The following ZNF804B variants were observed in gnomAD, a reference collection of about 807,000 sequenced individuals.
ZNF804B encodes zinc finger 804B.
In ZNF804B, 80 loss-of-function variants were observed where a neutral mutation model predicts 101.4. The ratio of observed to expected loss-of-function variants is 0.79; its 90% confidence interval spans 0.66 to 0.95. The LOEUF (loss-of-function observed/expected upper bound fraction) is 0.95, where lower values mean the gene tolerates loss of function less well. Among genes scored for constraint, ZNF804B ranks in the 40% least tolerant of loss-of-function variants. The pLI, the probability that ZNF804B is intolerant of heterozygous loss-of-function variation, is 0.00. For missense variants in ZNF804B, 1,673 were observed against 1,561.9 expected (o/e 1.07, Z -1.20); for synonymous variants, 622 against 558.8 (o/e 1.11, Z -1.59).
rs1299376493 is a variant in ZNF804B, at chr7:89,318,620, G to T, written c.250-8724G>T. ...TCTACTGAAAATACAAAAATTAACC[G>T]CGTGTGGTGGCGAGCACCTGTAATC... On this transcript the variant is annotated intron_variant, in intron 2 of 3. Coordinates refer to ENST00000333190, the MANE Select transcript of ZNF804B (RefSeq NM_181646.5). 2.0e-5 allele frequency among the ~76,000 whole-genome samples: 3 copies of T among 152,076 alleles called. No homozygotes were observed. The South Asian group carries it at 6.2e-4, about 32-fold the overall frequency.
chr7:88,896,814 G>T (rs891028745), intron 1 of ZNF804B, among the ~76,000 whole-genome samples: 2 of 152,190 alleles, frequency 1.3e-5, no homozygotes, highest in Non-Finnish European at 1.5e-5. Context: ...AAGATAGAAA[G>T]GTTGTCTTTC....
chr7:88,925,166 A>G (rs993897895), intron 1 of ZNF804B, among the ~76,000 whole-genome samples: 15 of 152,088 alleles, frequency 9.9e-5, no homozygotes, highest in Non-Finnish European at 1.6e-4. Context: ...CAATAATTAG[A>G]TCTTAGAGCT....
intron 1 of ZNF804B, among the ~76,000 whole-genome samples, chr7:88,838,151 A>G (rs1374542766): frequency 1.3e-5 from 2 of 151,874 alleles, no homozygotes; most frequent in Admixed American, 6.6e-5. Flanking sequence ...TAAAGCCAGT[A>G]TTATTCAAGT....
At chr7:88,974,656 A>G (rs1584048458) in intron 1 of ZNF804B, among the ~76,000 whole-genome samples, 1 of 151,312 alleles carries the variant, frequency 6.6e-6, no homozygotes, top group South Asian at 2.1e-4. Flanking sequence ...ATTATTTTTA[A>G]TTTTTATGGG....
intron 2 of ZNF804B, among the ~76,000 whole-genome samples, chr7:89,226,214 A>T (rs575748128): frequency 1.3e-5 from 2 of 152,238 alleles, no homozygotes; most frequent in East Asian, 1.9e-4. Context: ...TTTGATTATT[A>T]TGAAAAGGCT....
chr7:89,027,307 TTAAA>T (rs1472338182), intron 1 of ZNF804B, among the ~76,000 whole-genome samples: 1 of 152,094 alleles, frequency 6.6e-6, no homozygotes, highest in Non-Finnish European at 1.5e-5. Flanking sequence ...ATAAGAGTCC[TTAAA>T]GCTAGCTCTC....
chr7:89,304,495 T>C (rs1388773494), intron 2 of ZNF804B, among the ~76,000 whole-genome samples: 2 of 151,558 alleles, frequency 1.3e-5, no homozygotes, highest in African/African-American at 2.4e-5. Flanking sequence ...TATGGTAAAA[T>C]AGAAGTGCAG....
chr7:88,888,697 T>TA (rs1792170852), intron 1 of ZNF804B, among the ~76,000 whole-genome samples: 1 of 152,228 alleles, frequency 6.6e-6, no homozygotes, highest in South Asian at 2.1e-4. Flanking sequence ...TTGATCATGC[T>TA]ACTCTGTTTT....
chr7:89,317,436 A>G (rs887706409), intron 2 of ZNF804B, among the ~76,000 whole-genome samples: 13 of 152,198 alleles, frequency 8.5e-5, no homozygotes, highest in Non-Finnish European at 1.8e-4. Context: ...TGCACCCAAT[A>G]TGACTAAATG....
At chr7:88,855,880 G>GT (rs1791548608) in intron 1 of ZNF804B, among the ~76,000 whole-genome samples, 1 of 152,106 alleles carries the variant, frequency 6.6e-6, no homozygotes, top group African/African-American at 2.4e-5. Context: ...CCCATTGCTT[G>GT]TTTTTGTCAG....
chr7:88,842,329 G>T (rs956433652), intron 1 of ZNF804B, among the ~76,000 whole-genome samples: 1 of 152,124 alleles, frequency 6.6e-6, no homozygotes, highest in Non-Finnish European at 1.5e-5. Flanking sequence ...CATTTGTTGG[G>T]AAGTGAGATT....
At chr7:89,151,700 G>A (rs1294796040) in intron 1 of ZNF804B, among the ~76,000 whole-genome samples, 1 of 148,772 alleles carries the variant, frequency 6.7e-6, no homozygotes, top group Non-Finnish European at 1.5e-5. Context: ...CAGATCTCCT[G>A]AAAAAAAAAA....
At chr7:88,838,472 T>C (rs1056885627) in intron 1 of ZNF804B, among the ~76,000 whole-genome samples, 20 of 151,952 alleles carry the variant, frequency 1.3e-4, no homozygotes, top group Non-Finnish European at 2.4e-4. Context: ...GTTTGGAAAA[T>C]TATTTGAAGT....
At chr7:88,861,659 A>T (rs544184282) in intron 1 of ZNF804B, among the ~76,000 whole-genome samples, 17 of 152,294 alleles carry the variant, frequency 1.1e-4, no homozygotes, top group African/African-American at 3.6e-4. Context: ...CACTGTAATA[A>T]CATATCTTCT....
chr7:89,144,571 T>C (rs1247043953), intron 1 of ZNF804B, among the ~76,000 whole-genome samples: 1 of 151,650 alleles, frequency 6.6e-6, no homozygotes, highest in East Asian at 1.9e-4. Context: ...AAAAGGGAGA[T>C]GTTGATCAAA....
intron 2 of ZNF804B, among the ~76,000 whole-genome samples, chr7:89,252,392 T>A (rs935974171): frequency 6.6e-6 from 1 of 152,078 alleles, no homozygotes; most frequent in African/African-American, 2.4e-5. Flanking sequence ...AAACAGTAGA[T>A]GCTTGAGAGG....
intron 2 of ZNF804B, among the ~76,000 whole-genome samples, chr7:89,229,847 A>T (rs919024801): frequency 1.3e-5 from 2 of 152,188 alleles, no homozygotes; most frequent in African/African-American, 4.8e-5. Context: ...TTAAATAAAA[A>T]ATCATACAAA....
intron 1 of ZNF804B, among the ~76,000 whole-genome samples, chr7:89,118,537 T>C (rs1158428253): frequency 1.3e-5 from 2 of 151,474 alleles, no homozygotes; most frequent in Non-Finnish European, 2.9e-5. Context: ...AAATGTTCTG[T>C]TCTGAGTTTT....
At position 89,013,998 on chromosome 7, in the gene ZNF804B, T is replaced by C. The variant is rs1324639143; in HGVS notation, c.109-204157T>C. On this transcript the variant is annotated intron_variant, in intron 1 of 3. Transcript: ENST00000333190. ...TGACTAAGTATCTTGGCATTATGAA[T>C]ACTGCTGCAATAAATATGGGGGTGC... Among the ~76,000 whole-genome samples the C allele has an allele frequency of 2.0e-5, 3 of 152,240 alleles. No homozygotes were observed. The East Asian group carries it at 5.8e-4, about 29-fold the overall frequency.
Sources: allele counts gnomAD v4.1 joint callset (sites outside exome capture counted in the v4.1 genomes callset), GRCh38; gene constraint gnomAD v4.1.1; transcripts MANE v1.5; gene names NCBI Gene and HGNC (gene_info 2026-07-23, HGNC 2026-07-21).